EHD3: variants seen among roughly 807,000 people sequenced by gnomAD.
The protein encoded by EHD3 is EH domain containing 3, also known as EH domain-containing protein 3.
A neutral mutation model predicts 43.0 loss-of-function variants in EHD3; 17 were observed. That is an observed-to-expected ratio of 0.40 (90% CI 0.27 to 0.59). EHD3 has a LOEUF of 0.59. EHD3 is among the 20% of genes least tolerant of loss of function. The pLI is 0.49. For missense variants in EHD3, 594 were observed against 705.6 expected (o/e 0.84, Z 1.79); for synonymous variants, 313 against 289.5 (o/e 1.08, Z -0.82).
At chr2:31,259,774 T>G (rs939833575) in intron 3 of EHD3, among the ~76,000 whole-genome samples, 5 of 152,256 alleles carry the variant, frequency 3.3e-5, no homozygotes, top group African/African-American at 4.8e-5. Context: ...TTTTCAGACC[T>G]TAGAAAGAAT....
chr2:31,244,193 A>C (rs922133004), intron 1 of EHD3, 81 bp from the exon 2 acceptor site: 22 of 1,413,942 alleles, frequency 1.6e-5, no homozygotes, highest in Admixed American at 2.0e-5. Context: ...TCTGACTCGC[A>C]TGTTGTCTGC....
rs769628934 is a variant in EHD3, at chr2:31,260,638, G to A, written c.631G>A (p.Glu211Lys). ...AGTCATCAAAGCCCTCAAGAACCACGAGGACAAGATGCGAGTGGTGCTGAA... is the reference window on the plus strand; with the variant it reads ...AGTCATCAAAGCCCTCAAGAACCACAAGGACAAGATGCGAGTGGTGCTGAA... ...SEVIKALKNHEDKMRVVLNKA... is the reference protein window; with the variant it reads ...SEVIKALKNHKDKMRVVLNKA... The change falls in exon 4 of 6, where the codon GAG becomes AAG. Residue 211 changes from glutamate (E) to lysine (K), a missense_variant. This residue lies in a region of EHD3 where 243 missense variants were observed against 296.7 expected (regional missense o/e 0.82). Coordinates refer to ENST00000322054, the MANE Select transcript of EHD3 (RefSeq NM_014600.3). The surrounding 1 kb of genome is among the most constrained non-coding windows in gnomAD (Gnocchi z 4.6). The A allele has an allele frequency of 1.2e-5, 19 of 1,614,072 alleles. No homozygotes were observed. The Admixed American group carries it at 1.7e-4, about 14-fold the overall frequency.
chr2:31,257,276 C>T (rs1488850847), intron 3 of EHD3, among the ~76,000 whole-genome samples: 1 of 152,130 alleles, frequency 6.6e-6, no homozygotes, highest in Non-Finnish European at 1.5e-5. Context: ...CCTTGCCATG[C>T]GCTGTGCTGA....
At chr2:31,244,903 A>T (rs1683490080) in intron 2 of EHD3, among the ~76,000 whole-genome samples, 1 of 152,198 alleles carries the variant, frequency 6.6e-6, no homozygotes, top group African/African-American at 2.4e-5. Flanking sequence ...TTTGAGCACT[A>T]ACTCTTCTAC....
chr2:31,249,364 C>T lies in EHD3; in HGVS notation c.405-7C>T. The T allele has an allele frequency of 1.2e-6, 2 of 1,613,814 alleles. No homozygotes were observed. Among genetic ancestry groups the T allele is most frequent in the Non-Finnish European group, 8.5e-7 (1 of 1,179,750 alleles). ...AGTACTCACCCAGGTTACCTCTGCC[C>T]ATGCAGGTTCGTGTGTGCCCAGCTA... is the stretch of plus-strand genomic sequence containing the variant. On this transcript the variant is annotated splice_region_variant and splice_polypyrimidine_tract_variant and intron_variant, in intron 2 of 5. Coordinates refer to ENST00000322054, the MANE Select transcript of EHD3 (RefSeq NM_014600.3).
Position 31,260,416 on chromosome 2 carries a change from A to C in EHD3, c.503-94A>C, listed in dbSNP as rs550631881. On this transcript the variant is annotated intron_variant, in intron 3 of 5. Transcript: ENST00000322054. This position sits in a 1 kb window ranked among gnomAD's most constrained non-coding sequence, Gnocchi z 4.6. ...GGATTTAAACTTAGATCTGACTCCC[A>C]AGACTGTGTTATTTCTACCACACCC... The C allele has an allele frequency of 1.5e-6, 2 of 1,308,238 alleles. No individual in the cohort carries two copies. The highest frequency in any genetic ancestry group is 4.7e-5 in the East Asian group (2 of 42,610). 81.0% of individuals were successfully genotyped at this position (1,308,238 alleles called of 1,614,324 possible).
chr2:31,260,567 TG>T lies in EHD3; in HGVS notation c.561del (p.Leu188SerfsTer31). On this transcript the variant is annotated frameshift_variant, in exon 4 of 6. Transcript: ENST00000322054. LOFTEE classifies it high-confidence loss of function. The surrounding 1 kb of genome is among the most constrained non-coding windows in gnomAD (Gnocchi z 4.6). ...WFAERVDRIILLFDAHKLDIS... is the reference protein window; with the variant it reads ...WFAERVDRIIXLFDAHKLDIS... ...GCCGAGCGGGTTGACCGCATCATTC[TG>T]CTCTTCGATGCCCACAAACTGGACA... 1 of 1,614,090 alleles carries T rather than the reference TG, an allele frequency of 6.2e-7. No individual in the cohort carries two copies. The highest frequency in any genetic ancestry group is 1.7e-5 in the Admixed American group (1 of 60,022).
chr2:31,252,667 G>A (rs1683660851), intron 3 of EHD3, among the ~76,000 whole-genome samples: 1 of 152,136 alleles, frequency 6.6e-6, no homozygotes, highest in Non-Finnish European at 1.5e-5. Context: ...TAGAGACGGG[G>A]TTTCACTACC....
chr2:31,249,313 TGC>T, intron 2 of EHD3, 56 bp from the exon 3 acceptor site: 5 of 1,501,554 alleles, frequency 3.3e-6, no homozygotes, highest in Non-Finnish European at 3.7e-6. Context: ...GTTGGAGTCA[TGC>T]GGCTAGGTCA....
chr2:31,258,456 C>A (rs1235601849), intron 3 of EHD3, among the ~76,000 whole-genome samples: 2 of 152,164 alleles, frequency 1.3e-5, no homozygotes, highest in South Asian at 2.1e-4. Context: ...TCATCCCCCA[C>A]CCCATCGATG....
chr2:31,243,460 C>CTTTCTTTCTTTCT (rs1553402472), intron 1 of EHD3, among the ~76,000 whole-genome samples: 6 of 98,462 alleles, frequency 6.1e-5, no homozygotes, highest in South Asian at 3.7e-4. Flanking sequence ...TTCTTTCTTT[C>CTTTCTTTCTTTCT]TTTTTTTTTT....
intron 5 of EHD3, among the ~76,000 whole-genome samples, chr2:31,264,396 G>A (rs189953313): frequency 5.7e-4 from 87 of 152,298 alleles, no homozygotes; most frequent in African/African-American, 2.1e-3. Context: ...TGAGTGGTGA[G>A]TGAGTGTGAA....
intron 1 of EHD3, among the ~76,000 whole-genome samples, chr2:31,235,872 T>A (rs549153219): frequency 1.3e-5 from 2 of 152,202 alleles, no homozygotes; most frequent in African/African-American, 2.4e-5. Flanking sequence ...TGGCCCCTTT[T>A]ATAGCCATTC....
intron 5 of EHD3, among the ~76,000 whole-genome samples, chr2:31,263,964 G>C (rs1683897772): frequency 6.6e-6 from 1 of 152,244 alleles, no homozygotes; most frequent in Non-Finnish European, 1.5e-5. Flanking sequence ...GTTGTCATGT[G>C]AAGGCAAGAG....
Position 31,234,634 on chromosome 2 carries a change from C to G in EHD3, c.13C>G (p.Leu5Val). The change falls in exon 1 of 6, where the codon CTG becomes GTG. Residue 5 changes from leucine to valine, a missense_variant. By Grantham distance (32) the Leu-to-Val change is conservative (BLOSUM62 1). This residue lies in a region of EHD3 where 243 missense variants were observed against 296.7 expected (regional missense o/e 0.82). Coordinates refer to ENST00000322054, the MANE Select transcript of EHD3 (RefSeq NM_014600.3). MFSW[L>V]GTDDRRRKDP... ...AGCGGCGGCCGCGATGTTCAGCTGGCTGGGTACGGACGACCGCCGGAGGAA... is the reference window on the plus strand; with the variant it reads ...AGCGGCGGCCGCGATGTTCAGCTGGGTGGGTACGGACGACCGCCGGAGGAA... The G allele has an allele frequency of 6.2e-7, 1 of 1,613,832 alleles. No homozygotes were observed. The highest frequency in any genetic ancestry group is 8.5e-7 in the Non-Finnish European group (1 of 1,179,972).
chr2:31,243,826 A>G (rs1365694257), intron 1 of EHD3, among the ~76,000 whole-genome samples: 2 of 152,086 alleles, frequency 1.3e-5, no homozygotes, highest in Non-Finnish European at 2.9e-5. Flanking sequence ...TTTTTATATT[A>G]AAGAACTAAC....
Position 31,244,457 on chromosome 2 carries a change from G to A in EHD3, c.404+7G>A, listed in dbSNP as rs375494583. Reference sequence around the variant, plus strand: ...GCAACGCCTTCTTGAACAGGTGAGTGTGGAGGGAACACAACACTTTCAGGT... The same window carrying A: ...GCAACGCCTTCTTGAACAGGTGAGTATGGAGGGAACACAACACTTTCAGGT... On this transcript the variant is annotated splice_region_variant and intron_variant, in intron 2 of 5. Transcript: ENST00000322054. The A allele has an allele frequency of 2.1e-5, 34 of 1,612,850 alleles. No individual in the cohort carries two copies. In the African/African-American group the frequency reaches 3.1e-4, roughly 15 times the overall value.
chr2:31,234,460 C>A lies in EHD3; in HGVS notation c.-162C>A. On this transcript the variant is annotated 5_prime_UTR_variant, in exon 1 of 6. Coordinates refer to ENST00000322054, the MANE Select transcript of EHD3 (RefSeq NM_014600.3). ...CCCAGGAGCAGGGAGAGTGCGCTCC[C>A]GGCCCTCCTAGCCGCGTGCCCGGGC... 1 of 733,164 alleles carries A rather than the reference C, an allele frequency of 1.4e-6. No individual in the cohort carries two copies. Among genetic ancestry groups the A allele is most frequent in the Non-Finnish European group, 2.2e-6 (1 of 457,192 alleles). The allele number at this position is 733,164 out of a possible 1,614,324, so 45.4% of individuals were successfully genotyped here.
At position 31,260,715 on chromosome 2, in the gene EHD3, C is replaced by T. The variant is rs146929365; in HGVS notation, c.708C>T (p.Leu236=). 71 of 1,614,096 alleles carry T rather than the reference C, an allele frequency of 4.4e-5. No homozygotes were observed. Among genetic ancestry groups the T allele is most frequent in the Non-Finnish European group, 5.4e-5 (64 of 1,180,054 alleles). ...AGCTGATGCGGGTGTACGGGGCCCT[C>T]ATGTGGTCCTTGGGGAAGATCGTGA... ...TQQLMRVYGA[L]MWSLGKIVNT... is the part of the protein sequence containing the mutation. The change falls in exon 4 of 6, where the codon CTC becomes CTT. Residue 236 remains leucine, a synonymous_variant. Transcript: ENST00000322054. This position sits in a 1 kb window ranked among gnomAD's most constrained non-coding sequence, Gnocchi z 4.6.
Sources: allele counts gnomAD v4.1 joint callset (sites outside exome capture counted in the v4.1 genomes callset), GRCh38; gene constraint gnomAD v4.1.1; regional missense constraint gnomAD v4.1.1; non-coding constraint Gnocchi (gnomAD v3.1); transcripts MANE v1.5; gene names NCBI Gene and HGNC (gene_info 2026-07-23, HGNC 2026-07-21).